RPTOR: variants seen among roughly 807,000 people sequenced by gnomAD.
RPTOR encodes the protein regulatory-associated protein of mTOR.
Under a neutral mutation model 169.9 loss-of-function variants are expected in RPTOR, and 21 were observed. That is an observed-to-expected ratio of 0.12 (90% CI 0.09 to 0.18). The LOEUF is 0.18. RPTOR is among the 10% of genes least tolerant of loss of function. The pLI is 1.00. For missense variants in RPTOR, 1,133 were observed against 1,855.9 expected, an observed-to-expected ratio of 0.61 and a Z score of 7.16; for synonymous variants, 732 against 753.2, an observed-to-expected ratio of 0.97 and a Z score of 0.46.
At chr17:80,594,718 A>G (rs898629304) in intron 1 of RPTOR, among the ~76,000 whole-genome samples, 2 of 152,228 alleles carry the variant, frequency 1.3e-5, no homozygotes, top group Non-Finnish European at 2.9e-5. Flanking sequence ...TTAATTAAAA[A>G]TATCCATCAC....
chr17:80,875,456 T>C (rs970028009), intron 13 of RPTOR, among the ~76,000 whole-genome samples: 10 of 152,194 alleles, frequency 6.6e-5, no homozygotes, highest in African/African-American at 9.7e-5. Flanking sequence ...GGCTTCAGTG[T>C]GTGGTGAGGG....
intron 6 of RPTOR, among the ~76,000 whole-genome samples, chr17:80,762,071 A>G (rs2066741938): frequency 6.6e-6 from 1 of 152,202 alleles, no homozygotes; most frequent in African/African-American, 2.4e-5. Flanking sequence ...TTTCTCCCCA[A>G]ACAAGACAGT....
chr17:80,858,119 C>A, intron 13 of RPTOR: 1 of 568,848 alleles, frequency 1.8e-6, no homozygotes, highest in Non-Finnish European at 3.2e-6. Context: ...CCCTGGCCTT[C>A]CCCTGGTACC....
At chr17:80,709,828 TTC>T (rs2066172413) in intron 4 of RPTOR, among the ~76,000 whole-genome samples, 2 of 152,198 alleles carry the variant, frequency 1.3e-5, no homozygotes, top group Non-Finnish European at 2.9e-5. Flanking sequence ...TGCTATCCAC[TTC>T]TCTCTGCAGT....
rs891312226 is a variant in RPTOR, at chr17:80,695,274, G to A, written c.349-12567G>A. Among the ~76,000 whole-genome samples, 2 of 152,228 alleles carry A rather than the reference G, an allele frequency of 1.3e-5. No individual in the cohort carries two copies. The highest frequency in any genetic ancestry group is 2.4e-5 in the African/African-American group (1 of 41,460). On this transcript the variant is annotated intron_variant, in intron 3 of 33. Transcript: ENST00000306801. This position sits in a 1 kb window ranked among gnomAD's most constrained non-coding sequence, Gnocchi z 4.9. ...CACGGGGGCCCGAGCATTTCCACAC[G>A]AGACTTTCACATCAGCCACCCGGGC...
intron 6 of RPTOR, among the ~76,000 whole-genome samples, chr17:80,758,337 A>C (rs1395386606): frequency 6.6e-6 from 1 of 152,206 alleles, no homozygotes; most frequent in African/African-American, 2.4e-5. Flanking sequence ...AGGTTTCGTC[A>C]GGAGTGCGGT....
chr17:80,751,499 C>A (rs1281634366), intron 5 of RPTOR, among the ~76,000 whole-genome samples: 1 of 152,256 alleles, frequency 6.6e-6, no homozygotes, highest in African/African-American at 2.4e-5. Flanking sequence ...CTAAGAACTA[C>A]GCAACTAAAA....
At chr17:80,893,000 C>G in intron 19 of RPTOR, 131 bp downstream of exon 19, 1 of 1,125,820 alleles carries the variant, frequency 8.9e-7, no homozygotes, top group Non-Finnish European at 1.3e-6. Flanking sequence ...TCCCATCTGC[C>G]AACATGGTGA....
chr17:80,671,796 A>T (rs900101051), intron 3 of RPTOR, among the ~76,000 whole-genome samples: 3 of 152,134 alleles, frequency 2.0e-5, no homozygotes, highest in Admixed American at 2.0e-4. Flanking sequence ...CTCAGTTTTG[A>T]AATAGGTGTA....
At position 80,815,369 on chromosome 17, in the gene RPTOR, C is replaced by G. The variant is rs549222976; in HGVS notation, c.891-6832C>G. Among the ~76,000 whole-genome samples the G allele has an allele frequency of 1.2e-4, 19 of 152,374 alleles. No homozygotes were observed. In the East Asian group the frequency reaches 3.7e-3, roughly 29 times the overall value. On this transcript the variant is annotated intron_variant, in intron 7 of 33. Coordinates refer to ENST00000306801, the MANE Select transcript of RPTOR (RefSeq NM_020761.3). ...GAGGTGGCCAGACTCTGTAGCTCAG[C>G]TGTGCTACAGGGCCACCCAGAACAG...
At chr17:80,871,090 C>T (rs1223088452) in intron 13 of RPTOR, among the ~76,000 whole-genome samples, 1 of 152,054 alleles carries the variant, frequency 6.6e-6, no homozygotes, top group Non-Finnish European at 1.5e-5. Context: ...TAGACTGGCC[C>T]TCTGTTTTGA....
intron 4 of RPTOR, among the ~76,000 whole-genome samples, chr17:80,720,901 C>T (rs765737261): frequency 6.6e-6 from 1 of 151,108 alleles, no homozygotes; most frequent in Non-Finnish European, 1.5e-5. Context: ...CTGGTATGGA[C>T]AGTGTGGTGT....
intron 3 of RPTOR, among the ~76,000 whole-genome samples, chr17:80,682,329 C>A (rs1025511004): frequency 6.6e-6 from 1 of 152,160 alleles, no homozygotes; most frequent in African/African-American, 2.4e-5. Flanking sequence ...TGGTCTTGAA[C>A]TCCTGGACTC....
At chr17:80,901,163 G>A (rs554392941) in intron 20 of RPTOR, among the ~76,000 whole-genome samples, 8 of 152,242 alleles carry the variant, frequency 5.3e-5, no homozygotes, top group African/African-American at 9.6e-5. Flanking sequence ...AGTGAATGCC[G>A]TTGTTATCCT....
At chr17:80,629,017 C>G (rs1040094531) in intron 2 of RPTOR, among the ~76,000 whole-genome samples, 3 of 150,138 alleles carry the variant, frequency 2.0e-5, no homozygotes, top group Non-Finnish European at 4.4e-5. Flanking sequence ...CGCAGCTCTT[C>G]TGTGTGTCTC....
chr17:80,772,726 A>G (rs1311899369), intron 6 of RPTOR, among the ~76,000 whole-genome samples: 2 of 151,906 alleles, frequency 1.3e-5, no homozygotes, highest in Non-Finnish European at 2.9e-5. Flanking sequence ...GTAAGCAAAA[A>G]TCTTCTTAAG....
At chr17:80,826,867 G>T (rs1045726444) in intron 9 of RPTOR, among the ~76,000 whole-genome samples, 5 of 152,276 alleles carry the variant, frequency 3.3e-5, no homozygotes, top group Non-Finnish European at 5.9e-5. Context: ...TGGCTTTGGG[G>T]TTTCACCTTC....
chr17:80,731,424 A>C (rs1320961965), intron 5 of RPTOR, among the ~76,000 whole-genome samples: 1 of 152,162 alleles, frequency 6.6e-6, no homozygotes, highest in Non-Finnish European at 1.5e-5. Flanking sequence ...AATCCCCGAA[A>C]ACCACTAAGC....
Position 80,885,052 on chromosome 17 carries a change from C to A in RPTOR, c.1887C>A (p.Asn629Lys). The change falls in exon 17 of 34, where the codon AAC (asparagine) becomes AAA (lysine). Residue 629 changes from asparagine (N) to lysine (K), a missense_variant. Asn to Lys is a moderately conservative substitution (Grantham distance 94). Transcript: ENST00000306801. Reference sequence around the variant, plus strand: ...TCGCCCTTGGCACGTTCGTGGGCAACTCTGCAGAGAGGACGGACCACTCCA... The same window carrying A: ...TCGCCCTTGGCACGTTCGTGGGCAAATCTGCAGAGAGGACGGACCACTCCA... ...AVFALGTFVG[N>K]SAERTDHSTT... is the part of the protein sequence containing the mutation. 6.2e-7 allele frequency: 1 copy of A among 1,609,200 alleles called. No homozygotes were observed. Among genetic ancestry groups the A allele is most frequent in the South Asian group, 1.1e-5 (1 of 89,712 alleles).
Sources: gnomAD v4.1 joint callset for allele counts (sites outside exome capture counted in the v4.1 genomes callset) on GRCh38, gnomAD v4.1.1 for gene constraint, Gnocchi (gnomAD v3.1) non-coding constraint, MANE v1.5 for transcripts, NCBI Gene and HGNC (gene_info 2026-07-23, HGNC 2026-07-21) for gene names.